The following IFNGR1 variants were observed in gnomAD, a reference collection of about 807,000 sequenced individuals.
IFNGR1 encodes AVP, type 2.
In IFNGR1, 23 loss-of-function variants were observed where a neutral mutation model predicts 35.4. The ratio of observed to expected loss-of-function variants is 0.65; its 90% CI spans 0.47 to 0.92. The LOEUF is 0.92. IFNGR1 is among the 40% of genes least tolerant of loss of function. The pLI, the probability that IFNGR1 is intolerant of heterozygous loss-of-function variation, is 0.00. For missense variants in IFNGR1, 533 were observed against 583.4 expected (o/e 0.91, Z 0.89); for synonymous variants, 199 against 209.5 (o/e 0.95, Z 0.43).
intron 3 of IFNGR1, 62 bp downstream of exon 3, chr6:137,206,074 T>C: frequency 2.2e-6 from 3 of 1,338,836 alleles, no homozygotes; most frequent in Non-Finnish European, 3.2e-6. Flanking sequence ...AAAGCAAACA[T>C]ACAGAAGACA....
chr6:137,206,808 G>A (rs1779440969), intron 2 of IFNGR1, 155 bp downstream of exon 2: 3 of 622,714 alleles, frequency 4.8e-6, no homozygotes, highest in Non-Finnish European at 8.5e-6. Flanking sequence ...AGAAATATTT[G>A]GCAAAGAATT....
At chr6:137,209,109 T>C (rs144338247) in intron 1 of IFNGR1, among the ~76,000 whole-genome samples, 231 of 152,344 alleles carry the variant, frequency 1.5e-3, no homozygotes, top group African/African-American at 5.2e-3. Flanking sequence ...ATAACTCCTT[T>C]GTTTTGGCCA....
chr6:137,201,093 A>T (rs1481263811), intron 5 of IFNGR1, 85 bp from the exon 6 acceptor site: 1 of 1,407,108 alleles, frequency 7.1e-7, no homozygotes, highest in East Asian at 2.3e-5. Flanking sequence ...ATTCTTGAAT[A>T]GATTTACAAA....
rs1432140611 is a variant in IFNGR1 at position 137,218,531 on chromosome 6, G to T, written c.85+712C>A. On this transcript the variant is annotated intron_variant, in intron 1 of 6. Transcript: ENST00000367739. ...ACGGACTGCCACTTACTTCTCAGCT[G>T]CCACTTACTTCTCAGCTGGCGACAT... The T allele has an allele frequency of 3.1e-6, 4 of 1,288,724 alleles. No homozygotes were observed. In the African/African-American group the frequency reaches 4.6e-5, roughly 15 times the overall value. The allele number at this position is 1,288,724 out of a possible 1,614,324, so 79.8% of individuals were successfully genotyped here.
chr6:137,201,116 GC>G, intron 5 of IFNGR1, 108 bp from the exon 6 acceptor site: 2 of 1,194,808 alleles, frequency 1.7e-6, no homozygotes, highest in Non-Finnish European at 2.5e-6. Context: ...AGTGAATAGG[GC>G]CAGAGTTTTA....
rs747857191 is a variant in IFNGR1, at chr6:137,198,210, G to T, written c.1291C>A (p.Pro431Thr). ...SHSSLSDSEF[P>T]PNNKGEIKTE... The stretch of plus-strand genomic sequence containing the variant: ...TTTATTTCACCTTTATTATTTGGGG[G>T]AAATTCTGAGTCAGATAAGGAGCTA... The change falls in exon 7 of 7, where the codon CCC becomes ACC. Residue 431 changes from proline (P) to threonine (T), a missense_variant. Transcript: ENST00000367739. 1 of 1,613,970 alleles carries T rather than the reference G, an allele frequency of 6.2e-7. No individual in the cohort carries two copies. The highest frequency in any genetic ancestry group is 1.3e-5 in the African/African-American group (1 of 74,896).
intron 1 of IFNGR1, among the ~76,000 whole-genome samples, chr6:137,216,838 G>GT (rs1562291355): frequency 1.3e-5 from 2 of 152,200 alleles, no homozygotes. Context: ...TTCTAGGGGA[G>GT]TCAGGAAAGG....
At chr6:137,201,257 A>G (rs1386979278) in intron 5 of IFNGR1, among the ~76,000 whole-genome samples, 1 of 152,212 alleles carries the variant, frequency 6.6e-6, no homozygotes, top group East Asian at 1.9e-4. Context: ...ATGACACAAC[A>G]TAGTTAAAAT....
At chr6:137,199,462 T>A (rs1381962031) in intron 6 of IFNGR1, among the ~76,000 whole-genome samples, 2 of 107,772 alleles carry the variant, frequency 1.9e-5, no homozygotes, top group African/African-American at 7.0e-5. Flanking sequence ...ATATAACTTA[T>A]ATTATATAAA....
intron 1 of IFNGR1, among the ~76,000 whole-genome samples, chr6:137,214,167 C>G (rs1020684328): frequency 5.3e-5 from 8 of 152,160 alleles, no homozygotes; most frequent in Non-Finnish European, 1.2e-4. Flanking sequence ...AACACCTTCC[C>G]CATGTTAAAG....
Position 137,206,282 on chromosome 6 carries a change from G to C in IFNGR1, c.227C>G (p.Ala76Gly). Residue 76 changes from alanine (A) to glycine (G), a missense_variant, in exon 3 of 7, where the codon GCC (alanine) becomes GGC (glycine). By Grantham distance (60) the Ala-to-Gly change is moderately conservative. Transcript: ENST00000367739. ...ATAATGATGAGAAATATTGATGCAG[G>C]CATCAATCCATTCTGAATTCTTAAC... is the stretch of plus-strand genomic sequence containing the variant. ...YGVKNSEWID[A>G]CINISHHYCN... 1 of 1,607,036 alleles carries C rather than the reference G, an allele frequency of 6.2e-7. No individual in the cohort carries two copies. Among genetic ancestry groups the C allele is most frequent in the African/African-American group, 1.3e-5 (1 of 74,836 alleles).
intron 1 of IFNGR1, among the ~76,000 whole-genome samples, chr6:137,208,300 T>A (rs1348019193): frequency 5.9e-5 from 9 of 152,182 alleles, no homozygotes; most frequent in Non-Finnish European, 1.3e-4. Context: ...AAAAACCCAT[T>A]TTCTGGGGAG....
chr6:137,217,132 C>T (rs1343605574), intron 1 of IFNGR1, among the ~76,000 whole-genome samples: 2 of 152,176 alleles, frequency 1.3e-5, no homozygotes, highest in Non-Finnish European at 2.9e-5. Flanking sequence ...GGCCTACTAA[C>T]TCTTCCTTCT....
chr6:137,212,764 T>G (rs754492087), intron 1 of IFNGR1, among the ~76,000 whole-genome samples: 1 of 152,228 alleles, frequency 6.6e-6, no homozygotes, highest in African/African-American at 2.4e-5. Context: ...GATTAGTTTT[T>G]AACGTGAATC....
chr6:137,215,861 G>A (rs992104813), intron 1 of IFNGR1, among the ~76,000 whole-genome samples: 2 of 152,110 alleles, frequency 1.3e-5, no homozygotes, highest in African/African-American at 2.4e-5. Flanking sequence ...ACAGGCACAT[G>A]CCACCACACA....
rs987890795 is a variant in IFNGR1 at position 137,206,714 on chromosome 6, T to C, written c.200+249A>G. 3 of 519,782 alleles carry C rather than the reference T, an allele frequency of 5.8e-6. No individual in the cohort carries two copies. The African/African-American group carries it at 5.8e-5, about 10-fold the overall frequency. The allele number at this position is 519,782 out of a possible 1,614,324, so 32.2% of individuals were successfully genotyped here. ...CTACAGGAAGATGACATAGTAACTATTAGCTTTATTTGTCATGCTAATCTC... is the reference window on the plus strand; with the variant it reads ...CTACAGGAAGATGACATAGTAACTACTAGCTTTATTTGTCATGCTAATCTC... On this transcript the variant is annotated intron_variant, in intron 2 of 6. Coordinates refer to ENST00000367739, the MANE Select transcript of IFNGR1 (RefSeq NM_000416.3).
chr6:137,206,398 G>C (rs1299440363), intron 2 of IFNGR1, 90 bp from the exon 3 acceptor site: 4 of 956,322 alleles, frequency 4.2e-6, no homozygotes, highest in Non-Finnish European at 4.9e-6. Flanking sequence ...TTTATTCACA[G>C]CACAAAGCGG....
rs753495798 is a variant in IFNGR1, at chr6:137,198,527, G to A, written c.974C>T (p.Pro325Leu). The A allele has an allele frequency of 9.3e-6, 15 of 1,613,830 alleles. No homozygotes were observed. Among genetic ancestry groups the A allele is most frequent in the Admixed American group, 3.3e-5 (2 of 59,970 alleles). ...GCCTGGAACTGTTGCTGGAGACAACGGCTCTTCACAGACCACCTCCTTTTC... is the reference window on the plus strand; with the variant it reads ...GCCTGGAACTGTTGCTGGAGACAACAGCTCTTCACAGACCACCTCCTTTTC... ...SLEKEVVCEEPLSPATVPGMH... is the reference protein window; with the variant it reads ...SLEKEVVCEELLSPATVPGMH... The change falls in exon 7 of 7, where the codon CCG becomes CTG. Residue 325 changes from proline to leucine, a missense_variant. By Grantham distance (98) the Pro-to-Leu change is moderately conservative. Transcript: ENST00000367739.
intron 4 of IFNGR1, 138 bp downstream of exon 4, chr6:137,204,194 A>C: frequency 4.0e-6 from 3 of 740,942 alleles, no homozygotes. Flanking sequence ...TAGCATTCAC[A>C]TATTTTTCTT....
Sources: gnomAD v4.1 joint callset for allele counts (sites outside exome capture counted in the v4.1 genomes callset) on GRCh38, gnomAD v4.1.1 for gene constraint, MANE v1.5 for transcripts, NCBI Gene and HGNC (gene_info 2026-07-23, HGNC 2026-07-21) for gene names.